The following MDGA1 variants were observed in gnomAD, a reference collection of about 807,000 sequenced individuals.
The protein encoded by MDGA1 is MAM domain-containing glycosylphosphatidylinositol anchor protein 1.
A neutral mutation model predicts 101.5 loss-of-function variants in MDGA1; 54 were observed. The ratio of observed to expected loss-of-function variants is 0.53; its 90% CI spans 0.43 to 0.67. MDGA1 has a LOEUF of 0.67. Among genes scored for constraint, MDGA1 ranks in the 30% least tolerant of loss-of-function variants. The probability of loss-of-function intolerance (pLI) is 0.00; values close to 1 mark genes in which losing one functional copy is unlikely to be tolerated. For missense variants in MDGA1, 1,083 were observed against 1,323.8 expected (o/e 0.82, Z 2.82); for synonymous variants, 533 against 558.3 (o/e 0.95, Z 0.64).
At chr6:37,665,904 C>A (rs145589724) in intron 1 of MDGA1, among the ~76,000 whole-genome samples, 40 of 152,334 alleles carry the variant, frequency 2.6e-4, no homozygotes, top group Middle Eastern at 3.4e-3. Flanking sequence ...CTCCCATAAC[C>A]TCTTGAAAAT....
Position 37,654,924 on chromosome 6 carries a change from G to A in MDGA1, c.588C>T (p.Thr196=), listed in dbSNP as rs746225890. ...IYEPLYTQGE[T]KVLKLKNLRP... ...GCAGGTTCTTCAGCTTCAGGACCTT[G>A]GTCTCCCCCTGGGCAGCAGTGGACC... The change falls in exon 5 of 17, where the codon ACC becomes ACT. Residue 196 remains threonine, a synonymous_variant. Transcript: ENST00000434837. The A allele has an allele frequency of 6.2e-6, 10 of 1,613,228 alleles. No homozygotes were observed. The highest frequency in any genetic ancestry group is 3.3e-5 in the Admixed American group (2 of 59,980).
chr6:37,682,493 GCAAA>G (rs1010443740), intron 1 of MDGA1, among the ~76,000 whole-genome samples: 14 of 152,086 alleles, frequency 9.2e-5, no homozygotes, highest in Non-Finnish European at 1.9e-4. Flanking sequence ...CAAAAAACAA[GCAAA>G]CAAACAAACA....
At position 37,658,390 on chromosome 6, in the gene MDGA1, G is replaced by A. The variant is rs778864887; in HGVS notation, c.237C>T (p.Ala79=). ...QVRWTKTAGS[A]SDKFQETSVF... is the part of the protein sequence containing the mutation. ...CCGATGTCTCCTGGAACTTGTCCGA[G>A]GCGCTACCTGCCGTCTTGGTCCACC... Residue 79 remains alanine, a synonymous_variant, in exon 3 of 17, where the codon GCC becomes GCT. Coordinates refer to ENST00000434837, the MANE Select transcript of MDGA1 (RefSeq NM_153487.4). 1.2e-5 allele frequency: 20 copies of A among 1,611,124 alleles called. No individual in the cohort carries two copies. The highest frequency in any genetic ancestry group is 3.3e-5 in the Admixed American group (2 of 59,836).
intron 2 of MDGA1, among the ~76,000 whole-genome samples, chr6:37,660,777 C>T (rs990099614): frequency 6.6e-6 from 1 of 152,250 alleles, no homozygotes; most frequent in Non-Finnish European, 1.5e-5. Context: ...TCTTCTGGCA[C>T]TGTATTTTTT....
At chr6:37,677,459 T>C (rs970108450) in intron 1 of MDGA1, among the ~76,000 whole-genome samples, 10 of 152,108 alleles carry the variant, frequency 6.6e-5, no homozygotes, top group Admixed American at 5.9e-4. Flanking sequence ...AGCAGAGAAA[T>C]GGTGACCCGA....
At chr6:37,640,233 G>T (rs564623565) in intron 14 of MDGA1, among the ~76,000 whole-genome samples, 97 of 152,172 alleles carry the variant, frequency 6.4e-4, no homozygotes, top group Non-Finnish European at 1.0e-3. Context: ...GTTAAGCAGA[G>T]GGAATAGGCT....
At position 37,696,359 on chromosome 6, in the gene MDGA1, T is replaced by G. The variant is rs1314664885; in HGVS notation, c.67+386A>C. On this transcript the variant is annotated intron_variant, in intron 1 of 16. Coordinates refer to ENST00000434837, the MANE Select transcript of MDGA1 (RefSeq NM_153487.4). The surrounding 1 kb of genome is among the most constrained non-coding windows in gnomAD (Gnocchi z 5.6). ...CAAGCCGCGCGGCAACTCCGGCTCA[T>G]GCATCGCTTGGCTTCCACTCCGGAG... Among the ~76,000 whole-genome samples the G allele has an allele frequency of 6.6e-6, 1 of 152,046 alleles. No individual in the cohort carries two copies. Among genetic ancestry groups the G allele is most frequent in the Admixed American group, 6.5e-5 (1 of 15,274 alleles).
At position 37,658,403 on chromosome 6, in the gene MDGA1, G is replaced by A. The variant is rs746453937; in HGVS notation, c.224C>T (p.Thr75Met). The A allele has an allele frequency of 1.9e-6, 3 of 1,609,446 alleles. No individual in the cohort carries two copies. The highest frequency in any genetic ancestry group is 2.5e-6 in the Non-Finnish European group (3 of 1,178,154). The change falls in exon 3 of 17, where the codon ACG becomes ATG. Residue 75 changes from threonine (T) to methionine (M), a missense_variant. Transcript: ENST00000434837. ...GAACTTGTCCGAGGCGCTACCTGCC[G>A]TCTTGGTCCACCGTACCTGGGCCGC... ...HPRPQVRWTK[T>M]AGSASDKFQE...
chr6:37,649,910 G>A (rs752681170), intron 8 of MDGA1, 199 bp downstream of exon 8: 1 of 733,464 alleles, frequency 1.4e-6, no homozygotes, highest in Non-Finnish European at 2.4e-6. Context: ...ATGAAGATGG[G>A]AGATACTTGA....
In MDGA1 at chr6:37,697,036, C is replaced by T. The variant is rs968041061; in HGVS notation, c.-225G>A. 3 of 477,646 alleles carry T rather than the reference C, an allele frequency of 6.3e-6. No homozygotes were observed. The highest frequency in any genetic ancestry group is 4.1e-5 in the African/African-American group (2 of 48,914). 29.6% of individuals were successfully genotyped at this position (477,646 alleles called of 1,614,324 possible). A position where few individuals can be genotyped will look rare whatever the true frequency, so the allele number is the denominator to read the frequency against. ...CGTGGGGACGCAGGGGGCGCTGGCC[C>T]AGCCCCGGGTGCCTCGGCGCGCCCG... On this transcript the variant is annotated 5_prime_UTR_variant, in exon 1 of 17. Coordinates refer to ENST00000434837, the MANE Select transcript of MDGA1 (RefSeq NM_153487.4).
At chr6:37,687,326 T>G (rs1487824825) in intron 1 of MDGA1, among the ~76,000 whole-genome samples, 3 of 148,098 alleles carry the variant, frequency 2.0e-5, no homozygotes, top group African/African-American at 7.5e-5. Context: ...GAGGCCAAGG[T>G]GGAAGGATCA....
intron 1 of MDGA1, among the ~76,000 whole-genome samples, chr6:37,677,664 T>C (rs1287990923): frequency 7.1e-6 from 1 of 141,458 alleles, no homozygotes; most frequent in Non-Finnish European, 1.6e-5. Flanking sequence ...TGTTTGATGG[T>C]CATTGGGCTT....
chr6:37,658,537 G>A, intron 2 of MDGA1, 118 bp from the exon 3 acceptor site: 2 of 1,081,780 alleles, frequency 1.8e-6, no homozygotes, highest in Non-Finnish European at 2.6e-6. Context: ...AGCGCACGTG[G>A]GGCACACGCA....
At chr6:37,688,852 C>T (rs1193089122) in intron 1 of MDGA1, among the ~76,000 whole-genome samples, 1 of 152,240 alleles carries the variant, frequency 6.6e-6, no homozygotes, top group African/African-American at 2.4e-5. Context: ...CCCTCAGAGG[C>T]AACAGGCTGC....
Position 37,655,135 on chromosome 6 carries a change from A to G in MDGA1, c.580-203T>C. 1.6e-6 allele frequency: 1 copy of G among 624,296 alleles called. No individual in the cohort carries two copies. The highest frequency in any genetic ancestry group is 2.7e-6 in the Non-Finnish European group (1 of 363,774). 38.7% of individuals were successfully genotyped at this position (624,296 alleles called of 1,614,324 possible). Reference sequence around the variant, plus strand: ...CTCTCCATAGCCTTGGCAGTGCCTCATCATGGGATTCTCTGGGTCTGAGGT... The same window carrying G: ...CTCTCCATAGCCTTGGCAGTGCCTCGTCATGGGATTCTCTGGGTCTGAGGT... On this transcript the variant is annotated intron_variant, in intron 4 of 16. Transcript: ENST00000434837. This position sits in a 1 kb window ranked among gnomAD's most constrained non-coding sequence, Gnocchi z 5.1.
chr6:37,654,668 G>A (rs181597524), intron 5 of MDGA1, 125 bp from the exon 6 acceptor site: 25 of 1,541,846 alleles, frequency 1.6e-5, no homozygotes, highest in Admixed American at 1.4e-4. Context: ...GGGAGAAGAC[G>A]GAGCAGGAAG....
chr6:37,643,775 C>G, intron 14 of MDGA1, 34 bp downstream of exon 14: 1 of 1,612,456 alleles, frequency 6.2e-7, no homozygotes, highest in South Asian at 1.1e-5. Flanking sequence ...CTCCAGCACA[C>G]ACTTGGTGGA....
chr6:37,681,681 A>C (rs1331051968), intron 1 of MDGA1, among the ~76,000 whole-genome samples: 2 of 152,254 alleles, frequency 1.3e-5, no homozygotes, highest in Non-Finnish European at 2.9e-5. Context: ...GAACTGGAGG[A>C]ACATGTTACA....
intron 1 of MDGA1, among the ~76,000 whole-genome samples, chr6:37,679,764 C>T (rs1762055394): frequency 1.3e-5 from 2 of 152,200 alleles, no homozygotes. Context: ...ACACATTCCT[C>T]ATTTCCCCTT....
Sources: gnomAD v4.1 joint callset for allele counts (sites outside exome capture counted in the v4.1 genomes callset) on GRCh38, gnomAD v4.1.1 for gene constraint, Gnocchi (gnomAD v3.1) non-coding constraint, MANE v1.5 for transcripts, NCBI Gene and HGNC (gene_info 2026-07-23, HGNC 2026-07-21) for gene names.